The following UBR1 variants were observed in gnomAD, a reference collection of about 807,000 sequenced individuals.
UBR1 encodes E3 ubiquitin-protein ligase UBR1.
In UBR1, 102 loss-of-function variants were observed where a neutral mutation model predicts 242.1. The observed-to-expected ratio is 0.42, with a 90% CI of 0.36 to 0.50. The LOEUF (loss-of-function observed/expected upper bound fraction) is 0.50. UBR1 is among the 20% of genes least tolerant of loss of function. The probability of loss-of-function intolerance (pLI) is 0.01; values close to 1 mark genes in which losing one functional copy is unlikely to be tolerated. For missense variants in UBR1, 1,772 were observed against 2,101.8 expected (o/e 0.84, Z 3.07); for synonymous variants, 675 against 684.8 (o/e 0.99, Z 0.22).
At chr15:42,998,464 A>G (rs1395733673) in intron 32 of UBR1, among the ~76,000 whole-genome samples, 199 bp from the exon 33 acceptor site, 3 of 152,204 alleles carry the variant, frequency 2.0e-5, no homozygotes, top group Admixed American at 6.5e-5. Context: ...ACAAGAAATA[A>G]GTCACCACCC....
chr15:43,076,287 T>C (rs1053450446), intron 3 of UBR1, among the ~76,000 whole-genome samples: 2 of 152,252 alleles, frequency 1.3e-5, no homozygotes, highest in South Asian at 2.1e-4. Flanking sequence ...CAGTGCTCAA[T>C]GGTGCCCAGG....
At chr15:43,023,363 G>A (rs189579693) in intron 25 of UBR1, among the ~76,000 whole-genome samples, 1 of 151,906 alleles carries the variant, frequency 6.6e-6, no homozygotes, top group East Asian at 1.9e-4. Context: ...AGGTTTGGGT[G>A]GGTGGATCAC....
At position 42,970,559 on chromosome 15, in the gene UBR1, G is replaced by T. The variant is rs771920019; in HGVS notation, c.4418C>A (p.Ala1473Glu). The T allele has an allele frequency of 6.2e-7, 1 of 1,613,796 alleles. No individual in the cohort carries two copies. The highest frequency in any genetic ancestry group is 1.1e-5 in the South Asian group (1 of 91,086). ...AGAAATTTCTGCAAAGAAAGAAGAT[G>T]CGGAATGAGCCTCTTCACTGTCTTC... is the stretch of plus-strand genomic sequence containing the variant. ...VQEDSEEAHS[A>E]SSFFAEISQY... The change falls in exon 40 of 47, where the codon GCA becomes GAA. Residue 1473 changes from alanine (A) to glutamate (E), a missense_variant. Ala to Glu is a moderately radical substitution (Grantham distance 107, BLOSUM62 -1). Around this residue, in one of 3 missense-constraint regions of UBR1, gnomAD observed 965 missense variants for 1,079.7 expected, o/e 0.89. Coordinates refer to ENST00000290650, the MANE Select transcript of UBR1 (RefSeq NM_174916.3).
chr15:43,059,525 A>G (rs2033657119), intron 8 of UBR1, among the ~76,000 whole-genome samples, 177 bp downstream of exon 8: 1 of 152,078 alleles, frequency 6.6e-6, no homozygotes, highest in South Asian at 2.1e-4. Context: ...TGCACTTGAA[A>G]TAATATCCTA....
At chr15:43,031,608 T>A (rs1430494778) in intron 20 of UBR1, among the ~76,000 whole-genome samples, 1 of 152,140 alleles carries the variant, frequency 6.6e-6, no homozygotes, top group Non-Finnish European at 1.5e-5. Context: ...AAACAATAAG[T>A]AAAAATGAAT....
intron 22 of UBR1, among the ~76,000 whole-genome samples, chr15:43,027,379 A>G (rs2033191439): frequency 6.6e-6 from 1 of 152,108 alleles, no homozygotes; most frequent in Non-Finnish European, 1.5e-5. Flanking sequence ...TTTCCATTTT[A>G]TATACTGAAA....
chr15:43,081,892 G>A (rs1326910098), intron 3 of UBR1, among the ~76,000 whole-genome samples: 2 of 151,548 alleles, frequency 1.3e-5, no homozygotes, highest in Non-Finnish European at 2.9e-5. Context: ...CTGTAACACT[G>A]TTTATCATTT....
chr15:43,049,787 T>C (rs2033531398), intron 12 of UBR1, among the ~76,000 whole-genome samples: 1 of 152,146 alleles, frequency 6.6e-6, no homozygotes, highest in Non-Finnish European at 1.5e-5. Context: ...AAGATTAAAG[T>C]TTAAAATCTG....
chr15:43,058,604 T>C (rs2033646056), intron 9 of UBR1, among the ~76,000 whole-genome samples, 175 bp from the exon 10 acceptor site: 1 of 152,152 alleles, frequency 6.6e-6, no homozygotes, highest in African/African-American at 2.4e-5. Context: ...TACACACATA[T>C]ATTGCCTTTT....
At position 43,025,415 on chromosome 15, in the gene UBR1, C is replaced by A; in HGVS notation, c.2550G>T (p.Gln850His). The A allele has an allele frequency of 6.2e-7, 1 of 1,607,634 alleles. No individual in the cohort carries two copies. Among genetic ancestry groups the A allele is most frequent in the Non-Finnish European group, 8.5e-7 (1 of 1,176,840 alleles). The stretch of plus-strand genomic sequence containing the variant: ...TGTTTTCTTGTTTTCTCCTTTTCTT[C>A]TGCATATGTTCAGCCTATAAAAAAA... ...KTQHSKAEHM[Q>H]KKRRKQENKD... The change falls in exon 24 of 47, where the codon CAG becomes CAT. Residue 850 changes from glutamine to histidine, a missense_variant. Physicochemically the swap from Gln to His is conservative, Grantham distance 24. Coordinates refer to ENST00000290650, the MANE Select transcript of UBR1 (RefSeq NM_174916.3).
intron 1 of UBR1, among the ~76,000 whole-genome samples, chr15:43,097,868 C>G (rs1054113258): frequency 6.6e-6 from 1 of 152,172 alleles, no homozygotes; most frequent in African/African-American, 2.4e-5. Flanking sequence ...AAGGCTGTTT[C>G]ACTTTCTTAT....
intron 42 of UBR1, among the ~76,000 whole-genome samples, chr15:42,962,778 C>T (rs988769240): frequency 6.6e-6 from 1 of 152,206 alleles, no homozygotes; most frequent in African/African-American, 2.4e-5. Flanking sequence ...GCATGAGCCA[C>T]CACGCCTGGC....
intron 43 of UBR1, among the ~76,000 whole-genome samples, chr15:42,958,658 T>G (rs773128637): frequency 8.5e-5 from 13 of 152,172 alleles, no homozygotes; most frequent in Non-Finnish European, 1.3e-4. Flanking sequence ...GAGGACTAAA[T>G]GAGATACTGA....
chr15:43,010,410 C>T (rs1793944816), intron 29 of UBR1, among the ~76,000 whole-genome samples: 1 of 151,432 alleles, frequency 6.6e-6, no homozygotes, highest in African/African-American at 2.4e-5. Flanking sequence ...ATTTCCAAGA[C>T]ATACTACAGA....
At chr15:43,029,071 C>G (rs144469005) in intron 21 of UBR1, among the ~76,000 whole-genome samples, 1 of 150,888 alleles carries the variant, frequency 6.6e-6, no homozygotes, top group Non-Finnish European at 1.5e-5. Flanking sequence ...GGTGACAGAG[C>G]GAGACTTCGT....
chr15:42,986,357 T>A (rs2032459342), intron 35 of UBR1, among the ~76,000 whole-genome samples: 1 of 152,224 alleles, frequency 6.6e-6, no homozygotes, highest in African/African-American at 2.4e-5. Context: ...TGGAATCCAA[T>A]TACTAGATTA....
chr15:42,949,210 A>C (rs1419135850), intron 46 of UBR1, among the ~76,000 whole-genome samples: 4 of 144,324 alleles, frequency 2.8e-5, no homozygotes, highest in African/African-American at 7.7e-5. Context: ...GTTCTCACTC[A>C]TAGGTGGGAA....
intron 6 of UBR1, among the ~76,000 whole-genome samples, chr15:43,065,625 G>GC (rs2033743222): frequency 6.6e-6 from 1 of 152,026 alleles, no homozygotes; most frequent in Non-Finnish European, 1.5e-5. Context: ...TTCTTTTCCT[G>GC]CATTAGTTTG....
intron 3 of UBR1, among the ~76,000 whole-genome samples, chr15:43,079,417 C>T (rs1488085355): frequency 6.6e-6 from 1 of 152,160 alleles, no homozygotes; most frequent in African/African-American, 2.4e-5. Flanking sequence ...TAAAAGGGCC[C>T]ATGAATTCTT....
Sources: allele counts gnomAD v4.1 joint callset (sites outside exome capture counted in the v4.1 genomes callset), GRCh38; gene constraint gnomAD v4.1.1; regional missense constraint gnomAD v4.1.1; transcripts MANE v1.5; gene names NCBI Gene and HGNC (gene_info 2026-07-23, HGNC 2026-07-21).